Variants in ADGRD2 observed in about 807,000 individuals in gnomAD.
ADGRD2 encodes the protein G protein-coupled receptor PGR24.
In ADGRD2, 71 loss-of-function variants were observed where a neutral mutation model predicts 44.4. The observed-to-expected ratio is 1.60, with a 90% CI of 1.32 to 1.95. The LOEUF is 1.95. Among genes scored for constraint, ADGRD2 ranks in the 30% most tolerant of loss-of-function variants. The pLI is 0.00. For synonymous variants in ADGRD2, 481 were observed against 224.8 expected (o/e 2.14, Z -10.19); for missense variants, 1,039 against 512.4 (o/e 2.03, Z -9.92).
intron 16 of ADGRD2, among the ~76,000 whole-genome samples, chr9:124,470,027 G>A (rs1377458412): frequency 3.3e-5 from 5 of 152,072 alleles, no homozygotes; most frequent in African/African-American, 7.2e-5. Flanking sequence ...GGACCCCACC[G>A]GCCTTTCCCA....
chr9:124,451,828 A>G (rs1371639701), upstream of ADGRD2: 7 of 492,636 alleles, frequency 1.4e-5, no homozygotes, highest in Non-Finnish European at 2.6e-5. Context: ...AAGTCCTGGC[A>G]CAGACGGAAT....
chr9:124,459,493 CAA>C (rs779520879), intron 10 of ADGRD2, among the ~76,000 whole-genome samples: 5 of 129,506 alleles, frequency 3.9e-5, no homozygotes, highest in Non-Finnish European at 6.7e-5. Flanking sequence ...GACTCTGTCT[CAA>C]AAAAAAAAAA....
chr9:124,454,021 G>C lies in ADGRD2; in HGVS notation c.948G>C (p.Thr316=), dbSNP rs969510880. The change falls in exon 4 of 22, where the codon ACG becomes ACC. Residue 316 remains threonine (T), a synonymous_variant. Transcript: ENST00000334810. This position sits in a 1 kb window ranked among gnomAD's most constrained non-coding sequence, Gnocchi z 4.5. Reference sequence around the variant, plus strand: ...CAGTGCCCTCCGAGGAGTGCCCTACGTGGAACCCGGGACCTCGCAGTGAGG... The same window carrying C: ...CAGTGCCCTCCGAGGAGTGCCCTACCTGGAACCCGGGACCTCGCAGTGAGG... 1.4e-6 allele frequency: 1 copy of C among 710,860 alleles called. No individual in the cohort carries two copies. The highest frequency in any genetic ancestry group is 2.6e-6 in the Non-Finnish European group (1 of 382,484). The allele number at this position is 710,860 out of a possible 1,614,324, so 44.0% of individuals were successfully genotyped here. A position where few individuals can be genotyped will look rare whatever the true frequency, so the allele number is the denominator to read the frequency against.
At chr9:124,458,049 G>A in intron 8 of ADGRD2, 64 bp from the exon 12 acceptor site, 1 of 713,628 alleles carries the variant, frequency 1.4e-6, no homozygotes, top group Non-Finnish European at 2.6e-6. Flanking sequence ...ATCACCCTCG[G>A]GGCCAACTGG....
chr9:124,469,328 C>A (rs970412284), exon 15 of ADGRD2: 2 of 718,306 alleles, frequency 2.8e-6, no homozygotes. Flanking sequence ...TCTGGGCCTT[C>A]GTGGGGCCTG....
chr9:124,469,149 G>C (rs1381025080), intron 14 of ADGRD2, 73 bp from the exon 18 acceptor site: 3 of 656,478 alleles, frequency 4.6e-6, no homozygotes, highest in East Asian at 2.7e-5. Context: ...CTGCGGCTTG[G>C]GGGGCGGATC....
intron 7 of ADGRD2, among the ~76,000 whole-genome samples, chr9:124,457,175 C>T (rs1185787171): frequency 1.3e-5 from 2 of 152,234 alleles, no homozygotes; most frequent in Non-Finnish European, 1.5e-5. Context: ...AATGGGGGTG[C>T]ACCTGTGGTG....
intron 16 of ADGRD2, 148 bp from the exon 20 acceptor site, chr9:124,470,346 C>T: frequency 1.7e-6 from 1 of 578,510 alleles, no homozygotes; most frequent in South Asian, 2.2e-5. Flanking sequence ...GTCAAAGGTT[C>T]TGGCTCCCTC....
chr9:124,453,205 C>T (rs544912865), exon 3 of ADGRD2: 74 of 655,918 alleles, frequency 1.1e-4, no homozygotes, highest in Admixed American at 4.1e-4. Flanking sequence ...GCCCGCGCTG[C>T]CCAACGCGCT....
At chr9:124,467,810 C>G in exon 12 of ADGRD2, 1 of 718,556 alleles carries the variant, frequency 1.4e-6, no homozygotes, top group Non-Finnish European at 2.6e-6. Context: ...CCTTCTTGCT[C>G]TTCCTGGTGG....
intron 17 of ADGRD2, among the ~76,000 whole-genome samples, 195 bp downstream of exon 20, chr9:124,470,809 C>T (rs189849178): frequency 6.6e-6 from 1 of 152,342 alleles, no homozygotes; most frequent in South Asian, 2.1e-4. Context: ...ACCAGCGGTT[C>T]GTGCAGGAGG....
At chr9:124,464,882 A>C (rs1407817114) in intron 10 of ADGRD2, among the ~76,000 whole-genome samples, 2 of 152,164 alleles carry the variant, frequency 1.3e-5, no homozygotes, top group Admixed American at 6.5e-5. Context: ...TATCATGCCC[A>C]ATGTTGTGAA....
chr9:124,456,654 T>A (rs951485440), exon 7 of ADGRD2: 1 of 717,616 alleles, frequency 1.4e-6, no homozygotes, highest in African/African-American at 1.7e-5. Flanking sequence ...TGGTGGCGAG[T>A]GTGCAGCGCC....
chr9:124,452,501 C>G lies in ADGRD2; in HGVS notation c.69-9C>G. The stretch of plus-strand genomic sequence containing the variant: ...ATGCACCCCCCACCGTCTCTCTTAT[C>G]GTTTTTAGCCCCCGTGGCCGCCGGC... On this transcript the variant is annotated splice_polypyrimidine_tract_variant and intron_variant, in intron 1 of 21. Coordinates refer to ENST00000334810, the Ensembl canonical transcript of ADGRD2. 1.4e-6 allele frequency: 1 copy of G among 718,488 alleles called. No individual in the cohort carries two copies. Among genetic ancestry groups the G allele is most frequent in the African/African-American group, 1.7e-5 (1 of 57,400 alleles). 44.5% of individuals were successfully genotyped at this position (718,488 alleles called of 1,614,324 possible). A position where few individuals can be genotyped will look rare whatever the true frequency, so the allele number is the denominator to read the frequency against.
intron 17 of ADGRD2, among the ~76,000 whole-genome samples, chr9:124,472,492 TTTTTG>T (rs140440396): frequency 0.96 from 144,333 of 150,238 alleles, 69,482 homozygotes; most frequent in East Asian, 1. Flanking sequence ...TTTGTTTTTG[TTTTTG>T]TTTTGTTTTG....
At chr9:124,469,674 C>T (rs1256901662) in intron 16 of ADGRD2, 127 bp downstream of exon 19, 2 of 649,742 alleles carry the variant, frequency 3.1e-6, no homozygotes, top group Non-Finnish European at 2.8e-6. Flanking sequence ...TGGCTATGCC[C>T]AAGTCTGTAT....
chr9:124,469,434 C>A (rs766755498), exon 16 of ADGRD2: 1 of 718,230 alleles, frequency 1.4e-6, no homozygotes, highest in South Asian at 1.5e-5. Flanking sequence ...GTCTCCAGGC[C>A]AACACCTGCA....
chr9:124,476,480 A>G, intron 20 of ADGRD2, 65 bp downstream of exon 23: 1 of 677,758 alleles, frequency 1.5e-6, no homozygotes, highest in Admixed American at 2.1e-5. Context: ...CAGCAGGCAA[A>G]GTCGGGAAGC....
rs1308446398 is a variant in ADGRD2 at position 124,453,771 on chromosome 9, CTAG to C, written c.923+96_923+98del. On this transcript the variant is annotated intron_variant, in intron 3 of 21. Transcript: ENST00000334810. Reference sequence around the variant, plus strand: ...CCACCCCTTGCCAACCAAGCCACGCCTAGCTCTGGCCACGCCCTCTCCAGGCCG... The same window carrying C: ...CCACCCCTTGCCAACCAAGCCACGCCCTCTGGCCACGCCCTCTCCAGGCCG... 5 of 638,136 alleles carry C rather than the reference CTAG, an allele frequency of 7.8e-6. No homozygotes were observed. In the East Asian group the frequency reaches 1.4e-4, roughly 18 times the overall value. The allele number at this position is 638,136 out of a possible 1,614,324, so 39.5% of individuals were successfully genotyped here. A position where few individuals can be genotyped will look rare whatever the true frequency, so the allele number is the denominator to read the frequency against.
Sources: allele counts gnomAD v4.1 joint callset (sites outside exome capture counted in the v4.1 genomes callset), GRCh38; gene constraint gnomAD v4.1.1; non-coding constraint Gnocchi (gnomAD v3.1); transcripts MANE v1.5; gene names NCBI Gene and HGNC (gene_info 2026-07-23, HGNC 2026-07-21).